Variants in NEIL2 observed in about 807,000 individuals in gnomAD.
NEIL2 encodes the protein endonuclease 8-like 2.
Under a neutral mutation model 22.2 loss-of-function variants are expected in NEIL2, and 23 were observed. The observed-to-expected ratio is 1.04, with a 90% CI of 0.75 to 1.47. The LOEUF is 1.47. Among genes scored for constraint, NEIL2 ranks in the 40% most tolerant of loss-of-function variants. The pLI is 0.00. For synonymous variants in NEIL2, 229 were observed against 164.8 expected (o/e 1.39, Z -2.99); for missense variants, 583 against 404.7 (o/e 1.44, Z -3.78).
chr8:11,776,712 C>G (rs965320989), intron 2 of NEIL2, among the ~76,000 whole-genome samples: 1 of 152,154 alleles, frequency 6.6e-6, no homozygotes, highest in African/African-American at 2.4e-5. Flanking sequence ...CACCTGGGGC[C>G]TCCCCATCTC....
At position 11,786,081 on chromosome 8, in the gene NEIL2, A is replaced by G. The variant is rs1025723448; in HGVS notation, c.807A>G (p.Thr269=). Residue 269 remains threonine (T), a synonymous_variant, in exon 5 of 5, where the codon ACA becomes ACG. Coordinates refer to ENST00000284503, the MANE Select transcript of NEIL2 (RefSeq NM_145043.4). ...TGGATCACGTGGTGGAGTTCAGTACAGCCTGGCTGCAGGGCAAGTTCCAAG... is the reference window on the plus strand; with the variant it reads ...TGGATCACGTGGTGGAGTTCAGTACGGCCTGGCTGCAGGGCAAGTTCCAAG... ...VLVDHVVEFS[T]AWLQGKFQGR... is the part of the protein sequence containing the mutation. 7 of 1,614,078 alleles carry G rather than the reference A, an allele frequency of 4.3e-6. No individual in the cohort carries two copies. The highest frequency in any genetic ancestry group is 5.1e-6 in the Non-Finnish European group (6 of 1,180,046).
chr8:11,784,739 C>A (rs1028567212), intron 4 of NEIL2, among the ~76,000 whole-genome samples: 3 of 152,168 alleles, frequency 2.0e-5, no homozygotes, highest in African/African-American at 7.2e-5. Flanking sequence ...TTGGAACATT[C>A]CCAAGAGAGT....
In NEIL2 at chr8:11,779,956, G is replaced by T. The variant is rs1804269521; in HGVS notation, c.491+6G>T. 1.2e-6 allele frequency: 2 copies of T among 1,611,622 alleles called. No homozygotes were observed. Among genetic ancestry groups the T allele is most frequent in the Middle Eastern group, 1.7e-4 (1 of 6,054 alleles). On this transcript the variant is annotated splice_donor_region_variant and intron_variant, in intron 3 of 4. Transcript: ENST00000284503. ...TGGAGGGACCCTTCCCCGAGGTAAT[G>T]GTGTGGCCATCTGATTTTCGTGGGC...
chr8:11,771,675 C>A, intron 2 of NEIL2, 90 bp downstream of exon 2: 1 of 1,411,674 alleles, frequency 7.1e-7, no homozygotes, highest in Non-Finnish European at 9.6e-7. Flanking sequence ...GGTGTCACTT[C>A]CCTGAGTCCG....
chr8:11,779,463 G>A (rs1447211693), intron 2 of NEIL2, 135 bp from the exon 3 acceptor site: 1 of 770,206 alleles, frequency 1.3e-6, no homozygotes, highest in Non-Finnish European at 2.2e-6. Context: ...GCAAAAGGCA[G>A]AGTCCAAAGA....
chr8:11,783,359 C>T lies in NEIL2; in HGVS notation c.648C>T (p.Val216=), dbSNP rs560771838. 2.0e-5 allele frequency: 33 copies of T among 1,614,182 alleles called. 1 individual carries two copies. In the South Asian group the frequency reaches 3.2e-4, roughly 16 times the overall value. Residue 216 remains valine (V), a synonymous_variant, in exon 4 of 5, where the codon GTC becomes GTT. Transcript: ENST00000284503. ...ALEALGQAQP[V]CYTLLDQRYF... is the part of the protein sequence containing the mutation. ...AAGCTCTAGGCCAGGCTCAGCCTGT[C>T]TGCTATACACTGCTGGACCAGAGAT...
chr8:11,778,642 G>C (rs1038242865), intron 2 of NEIL2, among the ~76,000 whole-genome samples: 1 of 152,022 alleles, frequency 6.6e-6, no homozygotes, highest in Non-Finnish European at 1.5e-5. Flanking sequence ...ATCAGGAGGT[G>C]CAATATGAAA....
chr8:11,782,533 T>C (rs1804517149), intron 3 of NEIL2: 1 of 164,562 alleles, frequency 6.1e-6, no homozygotes, highest in Non-Finnish European at 1.4e-5. Context: ...TACATTAGCC[T>C]ACAGTTGGGC....
chr8:11,779,894 T>G lies in NEIL2; in HGVS notation c.435T>G (p.Asp145Glu). ...FGLFGSVWVN[D>E]FSRAKKANKR... is the part of the protein sequence containing the mutation. ...TGTTTGGCAGCGTTTGGGTGAACGA[T>G]TTCTCCAGAGCCAAGAAAGCCAACA... The change falls in exon 3 of 5, where the codon GAT (aspartate) becomes GAG (glutamate). Residue 145 changes from aspartate to glutamate, a missense_variant. Transcript: ENST00000284503. The G allele has an allele frequency of 1.2e-6, 2 of 1,614,082 alleles. No individual in the cohort carries two copies. Among genetic ancestry groups the G allele is most frequent in the South Asian group, 2.2e-5 (2 of 91,072 alleles).
At chr8:11,785,358 G>C (rs1300823748) in intron 4 of NEIL2, among the ~76,000 whole-genome samples, 1 of 151,932 alleles carries the variant, frequency 6.6e-6, no homozygotes, top group East Asian at 1.9e-4. Flanking sequence ...ACCATGCCTG[G>C]CTAATTTTTG....
chr8:11,780,230 T>C (rs1423282760), intron 3 of NEIL2, among the ~76,000 whole-genome samples: 1 of 152,188 alleles, frequency 6.6e-6, no homozygotes, highest in Non-Finnish European at 1.5e-5. Flanking sequence ...CTGAAGAACA[T>C]TTTATTGCCT....
intron 2 of NEIL2, among the ~76,000 whole-genome samples, chr8:11,775,934 G>A (rs8191581): frequency 0.038 from 5,736 of 152,200 alleles, 258 homozygotes; most frequent in East Asian, 0.26. Context: ...ACATTTTCCT[G>A]TCTTCTTCTG....
intron 2 of NEIL2, among the ~76,000 whole-genome samples, chr8:11,778,267 A>G (rs1328817066): frequency 2.7e-5 from 4 of 145,866 alleles, no homozygotes; most frequent in Non-Finnish European, 6.0e-5. Flanking sequence ...AAATTCTATT[A>G]TGCCCACTTA....
chr8:11,773,496 A>C (rs1447092683), intron 2 of NEIL2, among the ~76,000 whole-genome samples: 1 of 152,062 alleles, frequency 6.6e-6, no homozygotes, highest in Non-Finnish European at 1.5e-5. Flanking sequence ...CTAAATGGGG[A>C]GGGCAGAGCA....
At chr8:11,780,054 C>T in intron 3 of NEIL2, 104 bp downstream of exon 3, 3 of 983,494 alleles carry the variant, frequency 3.1e-6, no homozygotes, top group Non-Finnish European at 4.7e-6. Context: ...GACGTCCAGT[C>T]TGCCCCCCAG....
chr8:11,777,850 C>G lies in NEIL2; in HGVS notation c.139-1748C>G, dbSNP rs1368743236. 2.0e-5 allele frequency among the ~76,000 whole-genome samples: 3 copies of G among 152,264 alleles called. No homozygotes were observed. The East Asian group carries it at 5.8e-4, about 29-fold the overall frequency. On this transcript the variant is annotated intron_variant, in intron 2 of 4. Transcript: ENST00000284503. ...GCATGGCATTGGCATCTTGCCGTGTCATTTGCAATTGGCATTATTCCATTC... is the reference window on the plus strand; with the variant it reads ...GCATGGCATTGGCATCTTGCCGTGTGATTTGCAATTGGCATTATTCCATTC...
rs781314338 is a variant in NEIL2 at position 11,771,549 on chromosome 8, C to G, written c.102C>G (p.Pro34=). The part of the protein sequence containing the change: ...KTGGSSKKLQ[P]ASLQSLWLQD... Reference sequence around the variant, plus strand: ...GGGGCAGCAGTAAGAAGCTACAGCCCGCCAGCCTGCAGTCTCTGTGGCTCC... The same window carrying G: ...GGGGCAGCAGTAAGAAGCTACAGCCGGCCAGCCTGCAGTCTCTGTGGCTCC... The change falls in exon 2 of 5, where the codon CCC becomes CCG. Residue 34 remains proline, a synonymous_variant. Coordinates refer to ENST00000284503, the MANE Select transcript of NEIL2 (RefSeq NM_145043.4). 1 of 1,613,926 alleles carries G rather than the reference C, an allele frequency of 6.2e-7. No homozygotes were observed. The highest frequency in any genetic ancestry group is 8.5e-7 in the Non-Finnish European group (1 of 1,180,006).
intron 1 of NEIL2, 74 bp downstream of exon 1, chr8:11,770,409 C>G (rs975903633): frequency 6.6e-6 from 1 of 152,108 alleles, no homozygotes; most frequent in African/African-American, 2.4e-5. Context: ...TCTGGAAAGC[C>G]TGATGAGGGG....
intron 2 of NEIL2, among the ~76,000 whole-genome samples, chr8:11,779,060 T>A (rs892814847): frequency 2.6e-5 from 4 of 151,940 alleles, no homozygotes; most frequent in Admixed American, 6.6e-5. Context: ...TGCCTTATAC[T>A]TTTTAGAGTG....
Sources: allele counts gnomAD v4.1 joint callset (sites outside exome capture counted in the v4.1 genomes callset), GRCh38; gene constraint gnomAD v4.1.1; transcripts MANE v1.5; gene names NCBI Gene and HGNC (gene_info 2026-07-23, HGNC 2026-07-21).